Variants in CUL4B observed in about 807,000 individuals in gnomAD.
CUL4B encodes the protein cullin-4B.
Under a neutral mutation model 69.2 loss-of-function variants are expected in CUL4B, and 1 was observed. The ratio of observed to expected loss-of-function variants is 0.01; its 90% CI spans 0.01 to 0.07. The LOEUF (loss-of-function observed/expected upper bound fraction) is 0.07. CUL4B is among the 10% of genes least tolerant of loss of function. The pLI is 1.00. For synonymous variants in CUL4B, 237 were observed against 223.2 expected (o/e 1.06, Z -0.55); for missense variants, 328 against 638.8 (o/e 0.51, Z 5.24).
chrX:120,559,965 AT>A, intron 1 of CUL4B, 117 bp downstream of exon 1: 4 of 1,180,511 alleles, frequency 3.4e-6, no homozygotes, highest in Non-Finnish European at 4.5e-6. Context: ...CACCTCATTG[AT>A]TATGCATAAA....
chrX:120,539,424 C>A (rs747233628), intron 11 of CUL4B, 52 bp from the exon 12 acceptor site: 2 of 719,611 alleles, frequency 2.8e-6, no homozygotes, highest in Admixed American at 5.1e-5. Context: ...ACACGAGGTA[C>A]TGGGCACTAT....
chrX:120,565,738 T>A (rs1300209950), upstream of CUL4B, among the ~76,000 whole-genome samples: 1 of 96,371 alleles, frequency 1.0e-5, no homozygotes, highest in African/African-American at 3.8e-5. Context: ...TTTTTTTTTT[T>A]TGTCTGAGAC....
At position 120,546,610 on chromosome X, in the gene CUL4B, T is replaced by C. The variant is rs113566433; in HGVS notation, c.783A>G (p.Ser261=). The C allele has an allele frequency of 1.7e-6, 2 of 1,179,656 alleles. No individual in the cohort carries two copies. The part of the protein sequence containing the change: ...KAQIHQFRED[S]LDSVLFLKKI... ...TCTTTAAAAAAAGAACGCTATCCAA[T>C]GAATCCCTGAAACATATGTTAAGGA... The change falls in exon 4 of 20, where the codon TCA becomes TCG. Residue 261 remains serine, a synonymous_variant. Transcript: ENST00000371322.
upstream of CUL4B, among the ~76,000 whole-genome samples, chrX:120,562,190 TCA>T (rs1925354663): frequency 8.9e-6 from 1 of 112,040 alleles, no homozygotes; most frequent in African/African-American, 3.2e-5. Flanking sequence ...TTGCCAAATC[TCA>T]GTTTACACGC....
chrX:120,567,277 C>G (rs1461454510), downstream of CUL4B, among the ~76,000 whole-genome samples: 1 of 109,098 alleles, frequency 9.2e-6, no homozygotes, highest in Non-Finnish European at 1.9e-5. Context: ...GTGTGCACCA[C>G]CATGCCCAGC....
exon 3 of CUL4B, chrX:120,571,876 G>A (rs960037263): frequency 9.0e-6 from 1 of 110,860 alleles, no homozygotes; most frequent in Non-Finnish European, 1.9e-5. Context: ...TGTGGGTTCC[G>A]CAGAGCTGAC....
chrX:120,556,598 G>C lies in CUL4B; in HGVS notation c.672+1326C>G, dbSNP rs746992171. Among the ~76,000 whole-genome samples, 356 of 110,177 alleles carry C rather than the reference G, an allele frequency of 3.2e-3. 1 individual carries two copies. Among genetic ancestry groups the C allele is most frequent in the African/African-American group, 0.011 (347 of 30,231 alleles). ...CTCATGCCTGTAATCTCAGCACCTT[G>C]GGAGGTTGAGGTGACAAGACTGCTG... On this transcript the variant is annotated intron_variant, in intron 2 of 19. Transcript: ENST00000371322.
At chrX:120,538,852 CACCA>C in intron 12 of CUL4B, 82 bp from the exon 13 acceptor site, 3 of 575,199 alleles carry the variant, frequency 5.2e-6, no homozygotes, top group Non-Finnish European at 8.7e-6. Context: ...TAATAAAGCA[CACCA>C]TTATTCCAAG....
At chrX:120,561,471 G>T (rs1360561933), upstream of CUL4B, 2 of 494,620 alleles carry the variant, frequency 4.0e-6, no homozygotes, top group South Asian at 2.6e-5. Flanking sequence ...GGAGAAATTG[G>T]GGGGAAGAAA....
chrX:120,533,029 A>G (rs189583376), intron 17 of CUL4B, among the ~76,000 whole-genome samples: 1 of 112,568 alleles, frequency 8.9e-6, no homozygotes, highest in Non-Finnish European at 1.9e-5. Context: ...TATCAACTGT[A>G]GTTACGTCCA....
upstream of CUL4B, among the ~76,000 whole-genome samples, chrX:120,563,098 A>G (rs1428937880): frequency 1.8e-5 from 2 of 112,587 alleles, no homozygotes; most frequent in African/African-American, 6.5e-5. Flanking sequence ...ATTAGACAAT[A>G]TCATTGCTAT....
chrX:120,561,037 G>A (rs1925269514), upstream of CUL4B: 1 of 972,251 alleles, frequency 1.0e-6, no homozygotes, highest in Non-Finnish European at 1.3e-6. Flanking sequence ...AAAGGGGGAG[G>A]GGGAAAGAAC....
In CUL4B at chrX:120,560,854, GA is replaced by G. The variant is rs1256036374; in HGVS notation, c.-217del. On this transcript the variant is annotated 5_prime_UTR_variant, in exon 1 of 20. Coordinates refer to ENST00000371322, the MANE Select transcript of CUL4B (RefSeq NM_001079872.2). Reference sequence around the variant, plus strand: ...GGCTGACACCAGGAGTGAGCAGAACGAGGGGGGAGAGCGAATGAGGAGGCAG... The same window carrying G: ...GGCTGACACCAGGAGTGAGCAGAACGGGGGGGAGAGCGAATGAGGAGGCAG... 2.7e-6 allele frequency: 2 copies of G among 750,248 alleles called. No individual in the cohort carries two copies. The highest frequency in any genetic ancestry group is 1.6e-6 in the Non-Finnish European group (1 of 638,295). 61.8% of individuals were successfully genotyped at this position (750,248 alleles called of 1,213,427 possible). A position where few individuals can be genotyped will look rare whatever the true frequency, so the allele number is the denominator to read the frequency against.
intron 2 of CUL4B, among the ~76,000 whole-genome samples, chrX:120,554,987 A>C (rs1054222863): frequency 8.9e-6 from 1 of 112,211 alleles, no homozygotes; most frequent in African/African-American, 3.2e-5. Flanking sequence ...TTATAAAATT[A>C]AGGTCAAAAA....
chrX:120,560,667 G>A lies in CUL4B; in HGVS notation c.-29C>T. ...AATAGCGGGGTCAACAGGCAGAGGA[G>A]CATCAAAAACCTACGTTTATATGCC... On this transcript the variant is annotated 5_prime_UTR_variant, in exon 1 of 20. Coordinates refer to ENST00000371322, the MANE Select transcript of CUL4B (RefSeq NM_001079872.2). The A allele has an allele frequency of 3.3e-6, 4 of 1,194,245 alleles. No homozygotes were observed. The East Asian group carries it at 8.9e-5, about 27-fold the overall frequency.
chrX:120,547,629 C>T (rs181713837), intron 2 of CUL4B, among the ~76,000 whole-genome samples: 3 of 111,742 alleles, frequency 2.7e-5, no homozygotes, highest in South Asian at 3.7e-4. Context: ...CAGGCTAGAA[C>T]AGCCTAGGCA....
chrX:120,549,816 G>T (rs1227963870), intron 2 of CUL4B, among the ~76,000 whole-genome samples: 2 of 111,561 alleles, frequency 1.8e-5, no homozygotes, highest in African/African-American at 6.5e-5. Context: ...TCCACCTTTA[G>T]TATTCCTCTC....
chrX:120,546,374 G>A (rs917618317), intron 4 of CUL4B, among the ~76,000 whole-genome samples, 173 bp downstream of exon 4: 6 of 107,761 alleles, frequency 5.6e-5, no homozygotes, highest in Admixed American at 1.0e-4. Context: ...AATAACTTAC[G>A]GGAAAATAAA....
intron 19 of CUL4B, among the ~76,000 whole-genome samples, chrX:120,529,161 T>C (rs1923171705): frequency 9.0e-6 from 1 of 111,429 alleles, no homozygotes; most frequent in Non-Finnish European, 1.9e-5. Flanking sequence ...GTGATCTCTC[T>C]GGCTTGAGGT....
Sources: gnomAD v4.1 joint callset for allele counts (sites outside exome capture counted in the v4.1 genomes callset) on GRCh38, gnomAD v4.1.1 for gene constraint, MANE v1.5 for transcripts, NCBI Gene and HGNC (gene_info 2026-07-23, HGNC 2026-07-21) for gene names.